The following TMEM41B variants were observed in gnomAD, a reference collection of about 807,000 sequenced individuals.
The protein encoded by TMEM41B is transmembrane protein 41B, also known as protein stasimon.
In TMEM41B, 18 loss-of-function variants were observed where a neutral mutation model predicts 31.9. The ratio of observed to expected loss-of-function variants is 0.56; its 90% CI spans 0.39 to 0.84. The LOEUF is 0.84. TMEM41B is among the 40% of genes least tolerant of loss of function. The pLI is 0.00. For missense variants in TMEM41B, 322 were observed against 348.0 expected, an observed-to-expected ratio of 0.93 and a Z score of 0.59; for synonymous variants, 144 against 124.3, an observed-to-expected ratio of 1.16 and a Z score of -1.05.
rs1295113463 is a variant in TMEM41B, at chr11:9,305,975, T to TTTTC, written c.122-6278_122-6275dup. Among the ~76,000 whole-genome samples the TTTTC allele has an allele frequency of 1.2e-3, 124 of 107,404 alleles. 1 individual carries two copies. The South Asian group carries it at 0.019, about 16-fold the overall frequency. The allele number at this position is 107,404 out of a possible 152,430, so 70.5% of individuals were successfully genotyped here. ...CATTTACAGCTACTTACACCAGCACTTTTCTTTTTTTTTTTTTTTTTGAGA... is the reference window on the plus strand; with the variant it reads ...CATTTACAGCTACTTACACCAGCACTTTTCTTTCTTTTTTTTTTTTTTTTTGAGA... On this transcript the variant is annotated intron_variant, in intron 1 of 6. Transcript: ENST00000528080.
chr11:9,283,674 T>A, intron 6 of TMEM41B, 81 bp from the exon 7 acceptor site: 1 of 1,255,990 alleles, frequency 8.0e-7, no homozygotes, highest in South Asian at 1.5e-5. Flanking sequence ...TGCATAAAGT[T>A]TCTTAAAACA....
In TMEM41B at chr11:9,283,118, A is replaced by T. The variant is rs1450282252; in HGVS notation, c.*306T>A. 1 of 184,180 alleles carries T rather than the reference A, an allele frequency of 5.4e-6. No individual in the cohort carries two copies. The highest frequency in any genetic ancestry group is 1.8e-4 in the South Asian group (1 of 5,424). 11.4% of individuals were successfully genotyped at this position (184,180 alleles called of 1,614,324 possible). On this transcript the variant is annotated 3_prime_UTR_variant, in exon 7 of 7. Coordinates refer to ENST00000528080, the MANE Select transcript of TMEM41B (RefSeq NM_015012.4). ...AAAAAATATTCAATTAAATTGAATG[A>T]ATTAGCTGGATCAACAATTTCCTAC...
intron 1 of TMEM41B, among the ~76,000 whole-genome samples, chr11:9,314,117 G>T (rs571327722): frequency 1.3e-5 from 2 of 152,292 alleles, no homozygotes; most frequent in East Asian, 3.9e-4. Context: ...TACTCAAACA[G>T]CATTTACAAC....
At chr11:9,305,389 A>T (rs990065096) in intron 1 of TMEM41B, among the ~76,000 whole-genome samples, 3 of 152,154 alleles carry the variant, frequency 2.0e-5, no homozygotes, top group Non-Finnish European at 4.4e-5. Flanking sequence ...GCCTGAGGTC[A>T]AGGGTTCGAG....
At chr11:9,299,325 T>TATACACACACAC (rs1554943935) in intron 2 of TMEM41B, among the ~76,000 whole-genome samples, 1 of 123,144 alleles carries the variant, frequency 8.1e-6, no homozygotes, top group African/African-American at 3.0e-5. Context: ...TATACATACA[T>TATACACACACAC]ACACACACAC....
At chr11:9,303,341 T>C (rs1232141809) in intron 1 of TMEM41B, among the ~76,000 whole-genome samples, 1 of 152,158 alleles carries the variant, frequency 6.6e-6, no homozygotes, top group Non-Finnish European at 1.5e-5. Flanking sequence ...GGTTTCACCA[T>C]GTTAGCCAGG....
intron 1 of TMEM41B, chr11:9,311,626 C>T: frequency 1.1e-6 from 1 of 916,118 alleles, no homozygotes; most frequent in Non-Finnish European, 1.7e-6. Flanking sequence ...TTGGAACCTC[C>T]AGGGCACCCA....
At chr11:9,300,211 T>C (rs1853214301) in intron 1 of TMEM41B, among the ~76,000 whole-genome samples, 1 of 152,160 alleles carries the variant, frequency 6.6e-6, no homozygotes. Context: ...GATATATCCA[T>C]TTTAGAAGTA....
intron 1 of TMEM41B, among the ~76,000 whole-genome samples, chr11:9,312,471 A>G (rs560564848): frequency 6.6e-6 from 1 of 152,228 alleles, no homozygotes; most frequent in South Asian, 2.1e-4. Context: ...ACTGCACTCC[A>G]GCATAGGTGA....
At chr11:9,305,666 T>C (rs1162138699) in intron 1 of TMEM41B, among the ~76,000 whole-genome samples, 1 of 152,162 alleles carries the variant, frequency 6.6e-6, no homozygotes, top group East Asian at 1.9e-4. Flanking sequence ...GTATGCTACT[T>C]TTAAATCCAT....
intron 1 of TMEM41B, among the ~76,000 whole-genome samples, chr11:9,312,732 C>T (rs954683121): frequency 1.3e-5 from 2 of 151,860 alleles, no homozygotes; most frequent in African/African-American, 2.4e-5. Flanking sequence ...GGTGAAACCC[C>T]ATCTCTACTA....
Position 9,314,554 on chromosome 11 carries a change from A to G in TMEM41B, c.-113T>C. 7.2e-6 allele frequency: 10 copies of G among 1,397,412 alleles called. No homozygotes were observed. Among genetic ancestry groups the G allele is most frequent in the Non-Finnish European group, 8.5e-6 (9 of 1,063,164 alleles). The allele number at this position is 1,397,412 out of a possible 1,614,324, so 86.6% of individuals were successfully genotyped here. A position where few individuals can be genotyped will look rare whatever the true frequency, so the allele number is the denominator to read the frequency against. Reference sequence around the variant, plus strand: ...CACGGCTAGAGCCACTTCCGGCGCGACCTCCTCACCCGAGACGACCTCAGC... The same window carrying G: ...CACGGCTAGAGCCACTTCCGGCGCGGCCTCCTCACCCGAGACGACCTCAGC... On this transcript the variant is annotated 5_prime_UTR_variant, in exon 1 of 7. Transcript: ENST00000528080.
chr11:9,304,455 A>G (rs760786408), intron 1 of TMEM41B, among the ~76,000 whole-genome samples: 1 of 152,138 alleles, frequency 6.6e-6, no homozygotes, highest in Non-Finnish European at 1.5e-5. Context: ...GTTTATAAAT[A>G]TAAACCCCAT....
chr11:9,296,603 C>CAAAA (rs1164835040), intron 2 of TMEM41B, among the ~76,000 whole-genome samples: 122 of 118,384 alleles, frequency 1.0e-3, no homozygotes, highest in Non-Finnish European at 1.1e-3. Flanking sequence ...GACTCCGTCT[C>CAAAA]AAAAAAAAAA....
chr11:9,286,426 T>G (rs1564959568), intron 6 of TMEM41B, 29 bp downstream of exon 6: 11 of 1,596,372 alleles, frequency 6.9e-6, no homozygotes, highest in Non-Finnish European at 8.5e-6. Flanking sequence ...CACAGTGAGC[T>G]CATACACAGC....
chr11:9,299,638 A>G lies in TMEM41B; in HGVS notation c.185T>C (p.Leu62Ser). The G allele has an allele frequency of 6.2e-7, 1 of 1,613,780 alleles. No individual in the cohort carries two copies. Among genetic ancestry groups the G allele is most frequent in the East Asian group, 2.2e-5 (1 of 44,872 alleles). ...MSLLILVSIF[L>S]SAAFVMFLVY... ...CAAAAACATAACAAAAGCTGCAGAT[A>G]AGAAAATGGACACCAATATAAGGAG... Residue 62 changes from leucine (L) to serine (S), a missense_variant, in exon 2 of 7, where the codon TTA (leucine) becomes TCA (serine). By Grantham distance (145) the Leu-to-Ser change is moderately radical. Coordinates refer to ENST00000528080, the MANE Select transcript of TMEM41B (RefSeq NM_015012.4).
chr11:9,307,847 G>A (rs980227406), intron 1 of TMEM41B, among the ~76,000 whole-genome samples: 3 of 152,132 alleles, frequency 2.0e-5, no homozygotes, highest in South Asian at 2.1e-4. Flanking sequence ...CCAGGTTCAC[G>A]CCATTCTCCT....
At chr11:9,313,508 T>C (rs1429185774) in intron 1 of TMEM41B, among the ~76,000 whole-genome samples, 1 of 152,086 alleles carries the variant, frequency 6.6e-6, no homozygotes, top group Non-Finnish European at 1.5e-5. Context: ...CTACGTACAG[T>C]TTTTTCCTTA....
Position 9,314,565 on chromosome 11 carries a change from C to G in TMEM41B, c.-124G>C, listed in dbSNP as rs1037693804. On this transcript the variant is annotated 5_prime_UTR_variant, in exon 1 of 7. Transcript: ENST00000528080. ...CCACTTCCGGCGCGACCTCCTCACC[C>G]GAGACGACCTCAGCCCAGCGAGTAC... 5.6e-5 allele frequency: 76 copies of G among 1,357,828 alleles called. No homozygotes were observed. Among genetic ancestry groups the G allele is most frequent in the Non-Finnish European group, 7.4e-5 (76 of 1,024,862 alleles). 84.1% of individuals were successfully genotyped at this position (1,357,828 alleles called of 1,614,324 possible).
Sources: allele counts gnomAD v4.1 joint callset (sites outside exome capture counted in the v4.1 genomes callset), GRCh38; gene constraint gnomAD v4.1.1; transcripts MANE v1.5; gene names NCBI Gene and HGNC (gene_info 2026-07-23, HGNC 2026-07-21).